Variants in SSH2 observed in about 807,000 individuals in gnomAD.
SSH2 encodes the protein slingshot protein phosphatase 2.
In SSH2, 37 loss-of-function variants were observed where a neutral mutation model predicts 135.2. The ratio of observed to expected loss-of-function variants is 0.27; its 90% CI spans 0.21 to 0.36. SSH2 has a LOEUF of 0.36. Among genes scored for constraint, SSH2 ranks in the 10% least tolerant of loss-of-function variants. SSH2 has a pLI of 1.00. For missense variants in SSH2, 1,408 were observed against 1,765.3 expected (o/e 0.80, Z 3.63); for synonymous variants, 628 against 646.2 (o/e 0.97, Z 0.43).
chr17:29,649,956 A>G (rs557290362), intron 13 of SSH2, among the ~76,000 whole-genome samples: 1 of 152,334 alleles, frequency 6.6e-6, no homozygotes, highest in East Asian at 1.9e-4. Context: ...TAAATACAAA[A>G]GCACTTCTCA....
chr17:29,867,598 G>A (rs2065874847), intron 1 of SSH2, among the ~76,000 whole-genome samples: 1 of 152,198 alleles, frequency 6.6e-6, no homozygotes, highest in South Asian at 2.1e-4. Context: ...GAGAAACTAA[G>A]CAACTTCAGA....
chr17:29,761,843 ATG>A (rs752691137), intron 3 of SSH2, among the ~76,000 whole-genome samples: 1,781 of 142,424 alleles, frequency 0.013, 46 homozygotes, highest in African/African-American at 0.041. Context: ...TCACATACAT[ATG>A]TGTGTGTGTG....
At chr17:29,669,068 G>A (rs570923756) in intron 9 of SSH2, among the ~76,000 whole-genome samples, 13 of 152,072 alleles carry the variant, frequency 8.5e-5, no homozygotes, top group African/African-American at 3.1e-4. Context: ...AGCCAACATG[G>A]TGAAACCCCG....
intron 1 of SSH2, among the ~76,000 whole-genome samples, chr17:29,871,282 C>G (rs1421358230): frequency 1.3e-5 from 2 of 152,028 alleles, no homozygotes; most frequent in Non-Finnish European, 2.9e-5. Flanking sequence ...CTGCATTTTG[C>G]CCATTGGTGG....
chr17:29,902,737 C>G (rs1469531505), intron 1 of SSH2, among the ~76,000 whole-genome samples: 1 of 152,020 alleles, frequency 6.6e-6, no homozygotes, highest in Non-Finnish European at 1.5e-5. Flanking sequence ...AAAGAACACC[C>G]TTGCCTTCTT....
At chr17:29,706,511 C>T (rs2039206106) in intron 3 of SSH2, among the ~76,000 whole-genome samples, 1 of 152,114 alleles carries the variant, frequency 6.6e-6, no homozygotes, top group African/African-American at 2.4e-5. Flanking sequence ...CACATGCCAC[C>T]CTACTGTGGG....
intron 3 of SSH2, among the ~76,000 whole-genome samples, chr17:29,755,238 C>G (rs2041076519): frequency 6.6e-6 from 1 of 152,140 alleles, no homozygotes; most frequent in Admixed American, 6.5e-5. Flanking sequence ...TCTCATCAGT[C>G]TAATCCAAGA....
chr17:29,901,625 C>T (rs2066555857), intron 1 of SSH2, among the ~76,000 whole-genome samples: 1 of 152,130 alleles, frequency 6.6e-6, no homozygotes, highest in Non-Finnish European at 1.5e-5. Context: ...TAAACTGCTA[C>T]AAGAGAGAGA....
intron 2 of SSH2, among the ~76,000 whole-genome samples, chr17:29,834,187 C>A (rs1375370871): frequency 2.0e-5 from 3 of 151,576 alleles, no homozygotes; most frequent in Non-Finnish European, 4.4e-5. Context: ...ATGACTTTCA[C>A]AGAAGAAAAA....
chr17:29,856,054 T>A (rs139567509), intron 1 of SSH2: 73 of 354,582 alleles, frequency 2.1e-4, no homozygotes, highest in African/African-American at 1.5e-3. Flanking sequence ...CCTTTCCCCA[T>A]CAACTTAGTT....
rs188442248 is a variant in SSH2, at chr17:29,665,685, C to T, written c.1032+1182G>A. Among the ~76,000 whole-genome samples the T allele has an allele frequency of 2.0e-5, 3 of 152,300 alleles. No individual in the cohort carries two copies. In the East Asian group the frequency reaches 5.8e-4, roughly 29 times the overall value. ...ACACAAAATGAGGTTTTGGCATTCT[C>T]CATTGATTTTAATTATTCTTGTTAA... On this transcript the variant is annotated intron_variant, in intron 11 of 15. Coordinates refer to ENST00000540801, the MANE Select transcript of SSH2 (RefSeq NM_001282129.2).
intron 3 of SSH2, among the ~76,000 whole-genome samples, chr17:29,725,954 G>A (rs150176195): frequency 6.6e-6 from 1 of 152,296 alleles, no homozygotes; most frequent in African/African-American, 2.4e-5. Flanking sequence ...TGTGACAGTG[G>A]AGGTAGAGAG....
intron 3 of SSH2, chr17:29,761,208 C>T (rs758134583): frequency 3.1e-6 from 4 of 1,288,992 alleles, no homozygotes; most frequent in Middle Eastern, 2.1e-4. Context: ...GGAATCATGT[C>T]GGGGCCACCG....
chr17:29,915,278 A>G (rs1273557817), intron 1 of SSH2, among the ~76,000 whole-genome samples: 1 of 152,232 alleles, frequency 6.6e-6, no homozygotes, highest in African/African-American at 2.4e-5. Flanking sequence ...TCAGACACTT[A>G]TAGAAAAAGC....
At chr17:29,858,706 C>A (rs1297043409) in intron 1 of SSH2, among the ~76,000 whole-genome samples, 5 of 152,010 alleles carry the variant, frequency 3.3e-5, no homozygotes, top group African/African-American at 1.2e-4. Context: ...TAGCAAGATG[C>A]CATCTCTACA....
intron 2 of SSH2, among the ~76,000 whole-genome samples, chr17:29,821,003 T>C (rs1019737685): frequency 6.6e-6 from 1 of 152,162 alleles, no homozygotes; most frequent in African/African-American, 2.4e-5. Context: ...GAAGAGTCCA[T>C]GAATTCCAAA....
intron 4 of SSH2, among the ~76,000 whole-genome samples, chr17:29,701,973 T>C (rs1221311718): frequency 2.0e-5 from 3 of 149,136 alleles, no homozygotes; most frequent in Non-Finnish European, 4.5e-5. Flanking sequence ...GGCAATCCTC[T>C]TGCCTCAGCC....
intron 3 of SSH2, among the ~76,000 whole-genome samples, chr17:29,781,785 T>A (rs1409167223): frequency 6.6e-6 from 1 of 151,726 alleles, no homozygotes; most frequent in African/African-American, 2.4e-5. Flanking sequence ...GCCCAATAAC[T>A]TTTTTTCTTT....
intron 8 of SSH2, among the ~76,000 whole-genome samples, chr17:29,674,656 A>G (rs2037631930): frequency 6.6e-6 from 1 of 152,182 alleles, no homozygotes; most frequent in Non-Finnish European, 1.5e-5. Context: ...TTTATTTTGC[A>G]ATAAGAGCTA....
Sources: gnomAD v4.1 joint callset for allele counts (sites outside exome capture counted in the v4.1 genomes callset) on GRCh38, gnomAD v4.1.1 for gene constraint, MANE v1.5 for transcripts, NCBI Gene and HGNC (gene_info 2026-07-23, HGNC 2026-07-21) for gene names.